NOM1: variants seen among roughly 807,000 people sequenced by gnomAD.
NOM1 encodes the protein nucleolar MIF4G domain-containing protein 1.
In NOM1, 58 loss-of-function variants were observed where a neutral mutation model predicts 73.3. The ratio of observed to expected loss-of-function variants is 0.79; its 90% CI spans 0.64 to 0.99. The LOEUF is 0.99. Among genes scored for constraint, NOM1 ranks in the 50% least tolerant of loss-of-function variants. The pLI is 0.00. For synonymous variants in NOM1, 487 were observed against 446.8 expected (o/e 1.09, Z -1.14); for missense variants, 1,226 against 1,131.9 (o/e 1.08, Z -1.19).
chr7:156,962,913 G>A lies in NOM1; in HGVS notation c.1744-95G>A. On this transcript the variant is annotated intron_variant, in intron 5 of 10. Transcript: ENST00000275820. ...GACCCATTCCAGTATTCATGCACCAGAAATGTCATGGTCAAAAACAAAAAG... is the reference window on the plus strand; with the variant it reads ...GACCCATTCCAGTATTCATGCACCAAAAATGTCATGGTCAAAAACAAAAAG... 2.2e-6 allele frequency: 3 copies of A among 1,371,310 alleles called. No homozygotes were observed. In the South Asian group the frequency reaches 4.2e-5, roughly 19 times the overall value. The allele number at this position is 1,371,310 out of a possible 1,614,324, so 84.9% of individuals were successfully genotyped here. A position where few individuals can be genotyped will look rare whatever the true frequency, so the allele number is the denominator to read the frequency against.
intron 1 of NOM1, among the ~76,000 whole-genome samples, chr7:156,951,506 G>A (rs1434527045): frequency 6.6e-6 from 1 of 152,148 alleles, no homozygotes; most frequent in Non-Finnish European, 1.5e-5. Flanking sequence ...GCAGCTGTGT[G>A]GAATTGCCTG....
intron 7 of NOM1, 79 bp downstream of exon 7, chr7:156,964,105 G>T: frequency 6.7e-7 from 1 of 1,483,498 alleles, no homozygotes; most frequent in Non-Finnish European, 9.2e-7. Flanking sequence ...TTGAGTTTTG[G>T]ACGACTGAGT....
At chr7:156,959,387 A>G (rs952788735) in intron 3 of NOM1, among the ~76,000 whole-genome samples, 1 of 146,620 alleles carries the variant, frequency 6.8e-6, no homozygotes, top group African/African-American at 2.5e-5. Flanking sequence ...ACAGGCGCAC[A>G]CCACCACACC....
Position 156,969,921 on chromosome 7 carries a change from G to C in NOM1, c.*218G>C, listed in dbSNP as rs1805101632. ...TGGGGGTGAGAGGAGAAGGAGGGAG[G>C]GAAAAGGGGTCAGGCACACTGGACA... is the stretch of plus-strand genomic sequence containing the variant. On this transcript the variant is annotated 3_prime_UTR_variant, in exon 11 of 11. Transcript: ENST00000275820. The C allele has an allele frequency of 1.4e-3, 462 of 333,402 alleles. No individual in the cohort carries two copies. Among genetic ancestry groups the C allele is most frequent in the Middle Eastern group, 5.3e-3 (6 of 1,132 alleles). 20.7% of individuals were successfully genotyped at this position (333,402 alleles called of 1,614,324 possible).
intron 3 of NOM1, among the ~76,000 whole-genome samples, chr7:156,954,977 A>G (rs1804686240): frequency 6.6e-6 from 1 of 152,144 alleles, no homozygotes; most frequent in Admixed American, 6.5e-5. Flanking sequence ...TATTGATGGG[A>G]GATGTGAGAG....
chr7:156,969,912 A>C lies in NOM1; in HGVS notation c.*209A>C. On this transcript the variant is annotated 3_prime_UTR_variant, in exon 11 of 11. Transcript: ENST00000275820. ...TAACTATCTTGGGGGTGAGAGGAGA[A>C]GGAGGGAGGGAAAAGGGGTCAGGCA... The C allele has an allele frequency of 1.4e-5, 6 of 425,200 alleles. No individual in the cohort carries two copies. Among genetic ancestry groups the C allele is most frequent in the Non-Finnish European group, 2.1e-5 (5 of 243,602 alleles). 26.3% of individuals were successfully genotyped at this position (425,200 alleles called of 1,614,324 possible).
intron 3 of NOM1, among the ~76,000 whole-genome samples, chr7:156,958,109 A>G (rs1804772506): frequency 6.6e-6 from 1 of 152,222 alleles, no homozygotes; most frequent in Non-Finnish European, 1.5e-5. Context: ...GCAGTCCAGC[A>G]ATGATGTCTG....
Position 156,972,129 on chromosome 7 carries a change from G to T in NOM1, c.*2426G>T, listed in dbSNP as rs1331814620. On this transcript the variant is annotated 3_prime_UTR_variant, in exon 11 of 11. Coordinates refer to ENST00000275820, the MANE Select transcript of NOM1 (RefSeq NM_138400.2). ...TCTTACTGTGAAGGAAAAAATGTCA[G>T]TTGAACTAAATTGTGCTTCACGCCT... The T allele has an allele frequency of 6.6e-6, 1 of 152,248 alleles. No homozygotes were observed. Among genetic ancestry groups the T allele is most frequent in the Non-Finnish European group, 1.5e-5 (1 of 68,050 alleles). The allele number at this position is 152,248 out of a possible 1,614,324, so 9.4% of individuals were successfully genotyped here.
chr7:156,967,020 G>A lies in NOM1; in HGVS notation c.2226G>A (p.Thr742=), dbSNP rs370716418. Residue 742 remains threonine (T), a synonymous_variant, in exon 9 of 11, where the codon ACG becomes ACA. Coordinates refer to ENST00000275820, the MANE Select transcript of NOM1 (RefSeq NM_138400.2). ...KFRDLENLPA[T]NFSNLVHLVA... ...GGGACTTGGAAAACTTGCCAGCTACGAATTTCTCTAATTTGGTTCATCTGG... is the reference window on the plus strand; with the variant it reads ...GGGACTTGGAAAACTTGCCAGCTACAAATTTCTCTAATTTGGTTCATCTGG... 11 of 1,613,550 alleles carry A rather than the reference G, an allele frequency of 6.8e-6. No homozygotes were observed. The highest frequency in any genetic ancestry group is 8.5e-6 in the Non-Finnish European group (10 of 1,179,976).
rs3823623 is a variant in NOM1, at chr7:156,972,278, G to A, written c.*2575G>A. The A allele has an allele frequency of 0.52, 78,704 of 152,098 alleles. 20,736 individuals are homozygous for A. The highest frequency in any genetic ancestry group is 0.63 in the Middle Eastern group (184 of 294). 9.4% of individuals were successfully genotyped at this position (152,098 alleles called of 1,614,324 possible). A position where few individuals can be genotyped will look rare whatever the true frequency, so the allele number is the denominator to read the frequency against. On this transcript the variant is annotated 3_prime_UTR_variant, in exon 11 of 11. Transcript: ENST00000275820. ...GTGAGTAGGCATTAATTATGGGTGCGGCTACTAAGATGGGAAAAACTATCA... is the reference window on the plus strand; with the variant it reads ...GTGAGTAGGCATTAATTATGGGTGCAGCTACTAAGATGGGAAAAACTATCA...
chr7:156,952,770 G>T (rs932399966), intron 2 of NOM1, among the ~76,000 whole-genome samples, 172 bp downstream of exon 2: 2 of 152,028 alleles, frequency 1.3e-5, no homozygotes, highest in African/African-American at 4.8e-5. Flanking sequence ...AGAAGGAGAG[G>T]ATACCCGACT....
At chr7:156,955,343 G>A (rs1018947065) in intron 3 of NOM1, among the ~76,000 whole-genome samples, 12 of 152,184 alleles carry the variant, frequency 7.9e-5, no homozygotes, top group African/African-American at 2.9e-4. Context: ...CAGATGTGTT[G>A]AAGTAAATCC....
chr7:156,966,435 C>T, intron 8 of NOM1, 33 bp downstream of exon 8: 1 of 1,612,324 alleles, frequency 6.2e-7, no homozygotes, highest in Non-Finnish European at 8.5e-7. Flanking sequence ...GTTACGTCCG[C>T]TCTACTATTT....
At position 156,955,543 on chromosome 7, in the gene NOM1, T is replaced by C. The variant is rs145214619; in HGVS notation, c.1308+1245T>C. ...CTTCTGACAGCTCTACTCCAAAAAA[T>C]AGGCCACAGCAGCACAGCATCCCTA... On this transcript the variant is annotated intron_variant, in intron 3 of 10. Coordinates refer to ENST00000275820, the MANE Select transcript of NOM1 (RefSeq NM_138400.2). Among the ~76,000 whole-genome samples, 436 of 152,312 alleles carry C rather than the reference T, an allele frequency of 2.9e-3. 3 individuals carry two copies. Among genetic ancestry groups the C allele is most frequent in the African/African-American group, 9.9e-3 (411 of 41,570 alleles).
Position 156,968,275 on chromosome 7 carries a change from C to T in NOM1, c.2299-812C>T, listed in dbSNP as rs115991869. Among the ~76,000 whole-genome samples, 628 of 152,304 alleles carry T rather than the reference C, an allele frequency of 4.1e-3. 5 individuals carry two copies. The highest frequency in any genetic ancestry group is 0.015 in the African/African-American group (608 of 41,570). ...CAGCACAGATGCTACCACCGATGAG[C>T]GGGAGAGGCGTGGCAGGAGCACACC... On this transcript the variant is annotated intron_variant, in intron 9 of 10. Coordinates refer to ENST00000275820, the MANE Select transcript of NOM1 (RefSeq NM_138400.2).
rs1296672217 is a variant in NOM1 at position 156,970,775 on chromosome 7, C to T, written c.*1072C>T. The T allele has an allele frequency of 2.6e-5, 4 of 152,210 alleles. No homozygotes were observed. Among genetic ancestry groups the T allele is most frequent in the Non-Finnish European group, 5.9e-5 (4 of 68,044 alleles). 9.4% of individuals were successfully genotyped at this position (152,210 alleles called of 1,614,324 possible). A position where few individuals can be genotyped will look rare whatever the true frequency, so the allele number is the denominator to read the frequency against. ...CTTTGGCAAAGTCAGTCGACATAAG[C>T]CCTGTGGATATGGCCTTATGTACAC... On this transcript the variant is annotated 3_prime_UTR_variant, in exon 11 of 11. Transcript: ENST00000275820.
Position 156,967,068 on chromosome 7 carries a change from A to G in NOM1, c.2274A>G (p.Lys758=). The G allele has an allele frequency of 6.2e-7, 1 of 1,613,100 alleles. No homozygotes were observed. The part of the protein sequence containing the change: ...VHLVAHLLKT[K]SLSLSILKVV... ...TGGTGGCCCACTTGTTGAAGACAAA[A>G]TCGCTTTCCCTTTCCATCTTAAAGG... The change falls in exon 9 of 11, where the codon AAA becomes AAG. Residue 758 remains lysine, a synonymous_variant. Coordinates refer to ENST00000275820, the MANE Select transcript of NOM1 (RefSeq NM_138400.2).
intron 7 of NOM1, 125 bp from the exon 8 acceptor site, chr7:156,966,145 A>C (rs1046346866): frequency 8.3e-7 from 1 of 1,199,512 alleles, no homozygotes; most frequent in East Asian, 2.4e-5. Context: ...CGCTGCCTCC[A>C]CCTCCTTTAC....
chr7:156,951,390 G>C (rs80166152), intron 1 of NOM1, among the ~76,000 whole-genome samples: 1 of 149,526 alleles, frequency 6.7e-6, no homozygotes, highest in African/African-American at 2.5e-5. Flanking sequence ...CTGTTTCAAA[G>C]AAAAAAAAAA....
Sources: allele counts gnomAD v4.1 joint callset (sites outside exome capture counted in the v4.1 genomes callset), GRCh38; gene constraint gnomAD v4.1.1; transcripts MANE v1.5; gene names NCBI Gene and HGNC (gene_info 2026-07-23, HGNC 2026-07-21).